SNX30: variants seen among roughly 807,000 people sequenced by gnomAD.
SNX30 encodes the protein sorting nexin family member 30, also known as sorting nexin-30.
Under a neutral mutation model 46.4 loss-of-function variants are expected in SNX30, and 24 were observed. The observed-to-expected ratio is 0.52, with a 90% CI of 0.37 to 0.73. SNX30 has a LOEUF of 0.73. SNX30 is among the 30% of genes least tolerant of loss of function. The pLI is 0.00. For synonymous variants in SNX30, 189 were observed against 211.5 expected (o/e 0.89, Z 0.92); for missense variants, 533 against 555.7 (o/e 0.96, Z 0.41).
chr9:112,759,146 C>A (rs909532512), intron 1 of SNX30, among the ~76,000 whole-genome samples: 1 of 152,038 alleles, frequency 6.6e-6, no homozygotes, highest in African/African-American at 2.4e-5. Flanking sequence ...GATTATAGGC[C>A]TGAGTCACTG....
intron 3 of SNX30, among the ~76,000 whole-genome samples, chr9:112,825,262 T>G (rs898232668): frequency 3.3e-5 from 5 of 152,224 alleles, no homozygotes; most frequent in African/African-American, 1.2e-4. Context: ...TATTTTACTT[T>G]AAAAATTCTA....
chr9:112,840,310 T>C (rs1411523169), intron 6 of SNX30, among the ~76,000 whole-genome samples: 1 of 152,236 alleles, frequency 6.6e-6, no homozygotes, highest in Non-Finnish European at 1.5e-5. Flanking sequence ...CCAAAACTTC[T>C]GGCTGTGAAT....
chr9:112,864,167 CA>C (rs1434960159), intron 7 of SNX30, 79 bp from the exon 8 acceptor site: 72 of 1,457,504 alleles, frequency 4.9e-5, no homozygotes, highest in Non-Finnish European at 6.4e-5. Flanking sequence ...TGGCCTTTGA[CA>C]AATGTGTGCT....
rs1554747666 is a variant in SNX30 at position 112,763,388 on chromosome 9, T to TG, written c.156+12233dup. Among the ~76,000 whole-genome samples the TG allele has an allele frequency of 2.0e-4, 22 of 108,546 alleles. No individual in the cohort carries two copies. In the South Asian group the frequency reaches 3.5e-3, roughly 17 times the overall value. The allele number at this position is 108,546 out of a possible 152,430, so 71.2% of individuals were successfully genotyped here. ...TTTTTTTTTTTTTTTTTTTTTTTTT[T>TG]GGTGTGTGTGTGTGTAGAGAGAGGC... On this transcript the variant is annotated intron_variant, in intron 1 of 8. Transcript: ENST00000374232.
chr9:112,828,741 T>G (rs929018370), intron 3 of SNX30, among the ~76,000 whole-genome samples: 6 of 152,350 alleles, frequency 3.9e-5, no homozygotes, highest in African/African-American at 1.4e-4. Context: ...TTTATGACTT[T>G]GAGGTATGTA....
intron 2 of SNX30, among the ~76,000 whole-genome samples, chr9:112,805,800 T>A (rs1198560883): frequency 6.6e-6 from 1 of 152,262 alleles, no homozygotes; most frequent in South Asian, 2.1e-4. Context: ...CTTATATCCT[T>A]TAGTTACAAT....
intron 1 of SNX30, among the ~76,000 whole-genome samples, chr9:112,765,554 C>T (rs139022008): frequency 2.4e-4 from 36 of 152,250 alleles, no homozygotes; most frequent in African/African-American, 7.9e-4. Context: ...ATATGTGTGG[C>T]CTTTCGTGCC....
At chr9:112,785,546 G>A (rs1397122906) in intron 1 of SNX30, among the ~76,000 whole-genome samples, 2 of 152,122 alleles carry the variant, frequency 1.3e-5, no homozygotes, top group Non-Finnish European at 2.9e-5. Context: ...ACCATGCCCG[G>A]CTAATTTTTG....
At chr9:112,839,542 C>T (rs1473238118) in intron 6 of SNX30, among the ~76,000 whole-genome samples, 3 of 152,180 alleles carry the variant, frequency 2.0e-5, no homozygotes, top group South Asian at 2.1e-4. Flanking sequence ...GGAGGAAATG[C>T]GCCAGTGCCC....
At chr9:112,779,774 G>A (rs1215316070) in intron 1 of SNX30, among the ~76,000 whole-genome samples, 2 of 152,170 alleles carry the variant, frequency 1.3e-5, no homozygotes, top group Non-Finnish European at 2.9e-5. Flanking sequence ...TGTTGGAGGA[G>A]CTACTCCATG....
At chr9:112,842,725 CT>C (rs1449323316) in intron 6 of SNX30, among the ~76,000 whole-genome samples, 2 of 152,236 alleles carry the variant, frequency 1.3e-5, no homozygotes, top group Admixed American at 6.5e-5. Flanking sequence ...AACTGTATCT[CT>C]TTCAGGACAA....
intron 6 of SNX30, among the ~76,000 whole-genome samples, chr9:112,845,736 T>C (rs1029406123): frequency 6.6e-6 from 1 of 152,082 alleles, no homozygotes; most frequent in South Asian, 2.1e-4. Flanking sequence ...AGAACCAGGG[T>C]GGTCCCTCAA....
intron 8 of SNX30, among the ~76,000 whole-genome samples, chr9:112,865,665 A>G (rs200140280): frequency 0.85 from 95,981 of 112,822 alleles, 41,505 homozygotes; most frequent in Non-Finnish European, 0.9. Context: ...ATATATATGT[A>G]TGTATGTATG....
intron 3 of SNX30, among the ~76,000 whole-genome samples, chr9:112,826,373 T>A (rs1840579590): frequency 6.6e-6 from 1 of 152,078 alleles, no homozygotes; most frequent in Admixed American, 6.6e-5. Flanking sequence ...GAAGTCGAGA[T>A]AAGTGACTCC....
intron 4 of SNX30, among the ~76,000 whole-genome samples, chr9:112,832,864 A>AAT (rs1486733845): frequency 2.7e-5 from 4 of 147,334 alleles, no homozygotes; most frequent in African/African-American, 9.8e-5. Context: ...TAATAAATAT[A>AAT]ATATATATAA....
At chr9:112,762,522 A>T (rs1431670478) in intron 1 of SNX30, among the ~76,000 whole-genome samples, 2 of 150,660 alleles carry the variant, frequency 1.3e-5, no homozygotes, top group Non-Finnish European at 2.9e-5. Flanking sequence ...GCATGTATTT[A>T]CTTAGCTCTG....
At chr9:112,810,104 A>T (rs889920173) in intron 2 of SNX30, among the ~76,000 whole-genome samples, 1 of 152,104 alleles carries the variant, frequency 6.6e-6, no homozygotes, top group Non-Finnish European at 1.5e-5. Context: ...TTCTTTGCTT[A>T]TATCTGGAGT....
At position 112,825,591 on chromosome 9, in the gene SNX30, C is replaced by T. The variant is rs534670657; in HGVS notation, c.460-5134C>T. Among the ~76,000 whole-genome samples, 28 of 152,154 alleles carry T rather than the reference C, an allele frequency of 1.8e-4. 1 individual carries two copies. In the South Asian group the frequency reaches 5.2e-3, roughly 28 times the overall value. On this transcript the variant is annotated intron_variant, in intron 3 of 8. Transcript: ENST00000374232. ...TTATAGACATGAGCCACTGTGTCTG[C>T]TTCCCCCAATCGATTTTTTAAGACA...
chr9:112,758,585 G>A (rs1197635679), intron 1 of SNX30, among the ~76,000 whole-genome samples: 2 of 152,116 alleles, frequency 1.3e-5, no homozygotes, highest in African/African-American at 4.8e-5. Context: ...TGGTAGAGAC[G>A]GGGTTTCGCC....
Sources: gnomAD v4.1 joint callset for allele counts (sites outside exome capture counted in the v4.1 genomes callset) on GRCh38, gnomAD v4.1.1 for gene constraint, MANE v1.5 for transcripts, NCBI Gene and HGNC (gene_info 2026-07-23, HGNC 2026-07-21) for gene names.